VWA8: variants seen among roughly 807,000 people sequenced by gnomAD.
The protein encoded by VWA8 is von Willebrand factor A domain containing 8.
Under a neutral mutation model 241.5 loss-of-function variants are expected in VWA8, and 221 were observed. The observed-to-expected ratio is 0.91, with a 90% confidence interval of 0.82 to 1.02. The LOEUF (loss-of-function observed/expected upper bound fraction) is 1.02. Ranked by LOEUF, VWA8 falls within the 50% of genes least tolerant of loss-of-function variation. The pLI, the probability that VWA8 is intolerant of heterozygous loss-of-function variation, is 0.00. For synonymous variants in VWA8, 852 were observed against 827.1 expected (o/e 1.03, Z -0.52); for missense variants, 2,322 against 2,328.7 (o/e 1.00, Z 0.06).
At chr13:41,643,975 G>A (rs765538549) in intron 37 of VWA8, among the ~76,000 whole-genome samples, 4 of 152,042 alleles carry the variant, frequency 2.6e-5, no homozygotes, top group Non-Finnish European at 5.9e-5. Context: ...CTCTTAAGGA[G>A]CAAGCATCTG....
At chr13:41,601,001 A>T (rs1222837568) in intron 40 of VWA8, among the ~76,000 whole-genome samples, 2 of 152,062 alleles carry the variant, frequency 1.3e-5, no homozygotes, top group Non-Finnish European at 2.9e-5. Flanking sequence ...TGGCTACAAA[A>T]CTTCCTAAAG....
Position 41,887,224 on chromosome 13 carries a change from G to A in VWA8, c.789C>T (p.Ala263=). 6.2e-7 allele frequency: 1 copy of A among 1,613,138 alleles called. No individual in the cohort carries two copies. The highest frequency in any genetic ancestry group is 8.5e-7 in the Non-Finnish European group (1 of 1,179,772). Reference sequence around the variant, plus strand: ...TGAAGGGTAAATAATAAATATCCCTGGCTTGAAATCGAGAACGAAGAGGGG... The same window carrying A: ...TGAAGGGTAAATAATAAATATCCCTAGCTTGAAATCGAGAACGAAGAGGGG... The part of the protein sequence containing the change: ...LDPPLRSRFQ[A]RDIYYLPFKD... The change falls in exon 6 of 45, where the codon GCC becomes GCT. Residue 263 remains alanine (A), a synonymous_variant. Coordinates refer to ENST00000379310, the MANE Select transcript of VWA8 (RefSeq NM_015058.2).
chr13:41,722,585 C>T (rs1317209607), intron 24 of VWA8, among the ~76,000 whole-genome samples: 1 of 152,018 alleles, frequency 6.6e-6, no homozygotes, highest in Non-Finnish European at 1.5e-5. Flanking sequence ...ATGGCTTTTG[C>T]CTTTTTTGCT....
At chr13:41,654,227 A>C (rs2044886687) in intron 37 of VWA8, among the ~76,000 whole-genome samples, 1 of 152,230 alleles carries the variant, frequency 6.6e-6, no homozygotes, top group Non-Finnish European at 1.5e-5. Context: ...TAATGGATGA[A>C]AGTTTGATGA....
intron 12 of VWA8, among the ~76,000 whole-genome samples, chr13:41,860,176 T>C (rs1003496965): frequency 1.3e-5 from 2 of 152,196 alleles, no homozygotes; most frequent in Non-Finnish European, 2.9e-5. Flanking sequence ...TATTTCTCTA[T>C]CCCTTTCCAA....
chr13:41,614,948 G>C, intron 38 of VWA8, 28 bp downstream of exon 38: 1 of 1,610,242 alleles, frequency 6.2e-7, no homozygotes, highest in South Asian at 1.1e-5. Flanking sequence ...GGGGAAGGCT[G>C]ACTCAGGAGA....
chr13:41,865,458 T>C lies in VWA8; in HGVS notation c.1425+278A>G. 5 of 351,548 alleles carry C rather than the reference T, an allele frequency of 1.4e-5. 1 individual carries two copies. The highest frequency in any genetic ancestry group is 5.8e-5 in the South Asian group (2 of 34,686). 21.8% of individuals were successfully genotyped at this position (351,548 alleles called of 1,614,324 possible). On this transcript the variant is annotated intron_variant, in intron 12 of 44. Coordinates refer to ENST00000379310, the MANE Select transcript of VWA8 (RefSeq NM_015058.2). ...TTTTATAACTATTAATCAACCTCTCTTCACTCCTCCTTTCCCCCTACCCTT... is the reference window on the plus strand; with the variant it reads ...TTTTATAACTATTAATCAACCTCTCCTCACTCCTCCTTTCCCCCTACCCTT...
At chr13:41,948,739 C>T (rs1190818921) in intron 2 of VWA8, among the ~76,000 whole-genome samples, 1 of 152,078 alleles carries the variant, frequency 6.6e-6, no homozygotes, top group African/African-American at 2.4e-5. Flanking sequence ...TAGATTTTTA[C>T]TCAACAGAAG....
intron 42 of VWA8, among the ~76,000 whole-genome samples, chr13:41,587,261 T>C (rs2044424646): frequency 6.6e-6 from 1 of 152,142 alleles, no homozygotes. Context: ...GGAACAGACT[T>C]TTGCTTCTAA....
chr13:41,719,978 C>T (rs1054738289), intron 25 of VWA8, among the ~76,000 whole-genome samples: 3 of 151,964 alleles, frequency 2.0e-5, no homozygotes, highest in African/African-American at 4.8e-5. Flanking sequence ...AAGAGTTCCT[C>T]CTCTCAAATG....
chr13:41,875,981 G>A (rs1234125247), intron 9 of VWA8, among the ~76,000 whole-genome samples: 1 of 151,980 alleles, frequency 6.6e-6, no homozygotes, highest in South Asian at 2.1e-4. Context: ...CATCATTCAC[G>A]TTTCTCAGTC....
intron 35 of VWA8, among the ~76,000 whole-genome samples, chr13:41,678,278 T>C (rs1202533904): frequency 6.6e-6 from 1 of 152,198 alleles, no homozygotes; most frequent in Non-Finnish European, 1.5e-5. Flanking sequence ...ATAGAGTTAC[T>C]ATAGTAATTT....
At chr13:41,905,252 C>G (rs1875653214) in intron 4 of VWA8, 1 of 151,768 alleles carries the variant, frequency 6.6e-6, no homozygotes, top group Non-Finnish European at 1.5e-5. Flanking sequence ...AAAGAAAACA[C>G]AGCAGGGGTC....
Position 41,654,350 on chromosome 13 carries a change from C to A in VWA8, c.4611+16596G>T, listed in dbSNP as rs544849838. Among the ~76,000 whole-genome samples the A allele has an allele frequency of 1.7e-4, 26 of 152,262 alleles. No homozygotes were observed. In the East Asian group the frequency reaches 4.2e-3, roughly 25 times the overall value. The stretch of plus-strand genomic sequence containing the variant: ...AACCAAATGTTCAAAGTTAACATCA[C>A]CAGCAATGGGACAAATTGACATCAT... On this transcript the variant is annotated intron_variant, in intron 37 of 44. Coordinates refer to ENST00000379310, the MANE Select transcript of VWA8 (RefSeq NM_015058.2).
chr13:41,837,750 A>G (rs1334557387), intron 12 of VWA8, among the ~76,000 whole-genome samples: 1 of 152,198 alleles, frequency 6.6e-6, no homozygotes, highest in Non-Finnish European at 1.5e-5. Context: ...TGCTTATTCC[A>G]TACGGGCATT....
intron 26 of VWA8, among the ~76,000 whole-genome samples, chr13:41,707,115 G>T (rs2045287718): frequency 6.6e-6 from 1 of 152,162 alleles, no homozygotes; most frequent in Non-Finnish European, 1.5e-5. Context: ...TAGTATTTGA[G>T]CAAGTTACAG....
intron 15 of VWA8, among the ~76,000 whole-genome samples, chr13:41,818,567 AAAT>A (rs1246763339): frequency 4.6e-5 from 7 of 152,024 alleles, no homozygotes; most frequent in African/African-American, 1.4e-4. Context: ...AGTTTCAAAC[AAAT>A]AATAATAATA....
chr13:41,634,205 G>T (rs778583191), intron 37 of VWA8, among the ~76,000 whole-genome samples: 1 of 152,144 alleles, frequency 6.6e-6, no homozygotes, highest in Non-Finnish European at 1.5e-5. Flanking sequence ...CTGAGCTAGG[G>T]TGAGTAGGGT....
intron 4 of VWA8, among the ~76,000 whole-genome samples, chr13:41,901,880 A>T (rs1459632077): frequency 2.2e-5 from 2 of 91,578 alleles, no homozygotes; most frequent in Admixed American, 1.5e-4. Context: ...AAAAAAAAAA[A>T]AAAAAAAAAA....
Sources: gnomAD v4.1 joint callset for allele counts (sites outside exome capture counted in the v4.1 genomes callset) on GRCh38, gnomAD v4.1.1 for gene constraint, MANE v1.5 for transcripts, NCBI Gene and HGNC (gene_info 2026-07-23, HGNC 2026-07-21) for gene names.